Variants in DOCK7 observed in about 807,000 individuals in gnomAD.
DOCK7 encodes the protein dedicator of cytokinesis protein 7.
In DOCK7, 138 loss-of-function variants were observed where a neutral mutation model predicts 271.0. The observed-to-expected ratio is 0.51, with a 90% CI of 0.44 to 0.59. DOCK7 has a LOEUF of 0.59. DOCK7 is among the 20% of genes least tolerant of loss of function. DOCK7 has a pLI of 0.00. For synonymous variants in DOCK7, 823 were observed against 876.1 expected (o/e 0.94, Z 1.07); for missense variants, 2,066 against 2,592.4 (o/e 0.80, Z 4.41).
intron 7 of DOCK7, among the ~76,000 whole-genome samples, chr1:62,646,253 C>T (rs183755631): frequency 1.1e-4 from 16 of 151,716 alleles, no homozygotes; most frequent in Non-Finnish European, 2.1e-4. Context: ...ACACAAATGG[C>T]CACATATAAT....
rs1557655806 is a variant in DOCK7, at chr1:62,517,289, AAAAC to A, written c.3937-3395_3937-3392del. ...ACCATGCCAATTAAAAAACAAAAAC[AAAAC>A]AAACAAACAAAAAAACAAACAGGCC... On this transcript the variant is annotated intron_variant, in intron 31 of 49. Transcript: ENST00000635253. 7.2e-5 allele frequency among the ~76,000 whole-genome samples: 11 copies of A among 152,288 alleles called. No homozygotes were observed. The South Asian group carries it at 2.3e-3, about 32-fold the overall frequency.
At chr1:62,469,885 G>C (rs1486227332) in intron 48 of DOCK7, among the ~76,000 whole-genome samples, 1 of 139,920 alleles carries the variant, frequency 7.1e-6, no homozygotes, top group Non-Finnish European at 1.5e-5. Flanking sequence ...ATTCCTGCAA[G>C]AATGGCCATA....
chr1:62,566,504 C>T (rs1302630602), intron 18 of DOCK7, among the ~76,000 whole-genome samples: 1 of 152,158 alleles, frequency 6.6e-6, no homozygotes, highest in African/African-American at 2.4e-5. Context: ...ATGCAGAACA[C>T]TGAAACTGGA....
At chr1:62,639,335 C>G (rs771894065) in intron 7 of DOCK7, among the ~76,000 whole-genome samples, 39 of 151,258 alleles carry the variant, frequency 2.6e-4, no homozygotes, top group Non-Finnish European at 1.9e-4. Context: ...CAAGACCAGC[C>G]TAGGAAACAC....
At chr1:62,490,163 T>C (rs1270437171) in intron 41 of DOCK7, among the ~76,000 whole-genome samples, 1 of 151,398 alleles carries the variant, frequency 6.6e-6, no homozygotes, top group African/African-American at 2.4e-5. Flanking sequence ...CTTGAACTCC[T>C]GGTCTCAAGC....
chr1:62,669,020 A>C (rs1363172676), intron 1 of DOCK7, among the ~76,000 whole-genome samples: 2 of 152,092 alleles, frequency 1.3e-5, no homozygotes, highest in Non-Finnish European at 2.9e-5. Context: ...AATAAACTTC[A>C]AGAGGTATGT....
chr1:62,583,079 T>G (rs1402578525), intron 16 of DOCK7, 105 bp downstream of exon 16: 2 of 864,216 alleles, frequency 2.3e-6, no homozygotes, highest in Non-Finnish European at 3.6e-6. Context: ...AGCCTTGAAT[T>G]TGGCACATTT....
chr1:62,508,881 T>C (rs1644394105), intron 34 of DOCK7, among the ~76,000 whole-genome samples: 2 of 152,206 alleles, frequency 1.3e-5, no homozygotes, highest in Admixed American at 1.3e-4. Flanking sequence ...TTGAGATTTT[T>C]GTTTTAGCAA....
chr1:62,635,176 T>C (rs1655106753), intron 8 of DOCK7: 1 of 257,056 alleles, frequency 3.9e-6, no homozygotes, highest in African/African-American at 2.2e-5. Flanking sequence ...GATATTATAC[T>C]CTCATGTAAA....
chr1:62,687,353 A>C (rs1359189604), intron 1 of DOCK7, among the ~76,000 whole-genome samples: 1 of 152,236 alleles, frequency 6.6e-6, no homozygotes, highest in Non-Finnish European at 1.5e-5. Flanking sequence ...AAGTAGGTGA[A>C]AGGCTTTGAA....
At chr1:62,528,357 T>A (rs1208281832) in intron 30 of DOCK7, 52 bp from the exon 31 acceptor site, 3 of 1,505,236 alleles carry the variant, frequency 2.0e-6, no homozygotes, top group Non-Finnish European at 2.7e-6. Context: ...CTGAACTAAT[T>A]CCCTTTCCTA....
At chr1:62,658,908 G>A (rs1658336734) in intron 2 of DOCK7, among the ~76,000 whole-genome samples, 1 of 151,050 alleles carries the variant, frequency 6.6e-6, no homozygotes, top group African/African-American at 2.4e-5. Context: ...AGCTGAGATT[G>A]CACCACTACA....
chr1:62,505,843 A>G (rs1646920975), intron 35 of DOCK7, 27 bp from the exon 36 acceptor site: 1 of 1,603,700 alleles, frequency 6.2e-7, no homozygotes, highest in Admixed American at 1.7e-5. Flanking sequence ...AACAAATAAA[A>G]TAGAGATGTA....
chr1:62,513,698 G>A lies in DOCK7; in HGVS notation c.4119+18C>T, dbSNP rs368702983. On this transcript the variant is annotated intron_variant, in intron 32 of 49. Transcript: ENST00000635253. The stretch of plus-strand genomic sequence containing the variant: ...TTTCTCCTTTCTTGTTCTTTGCAAT[G>A]GTACAATGACCACTTACTTTATACT... The A allele has an allele frequency of 1.5e-4, 248 of 1,610,476 alleles. 1 individual carries two copies. The African/African-American group carries it at 2.9e-3, about 19-fold the overall frequency.
intron 16 of DOCK7, 116 bp from the exon 17 acceptor site, chr1:62,579,082 T>C: frequency 9.7e-7 from 1 of 1,030,978 alleles, no homozygotes; most frequent in Non-Finnish European, 1.3e-6. Context: ...TTTCCTCTAG[T>C]CCAAAATATT....
intron 33 of DOCK7, 65 bp downstream of exon 33, chr1:62,513,379 A>G (rs1644556130): frequency 6.9e-7 from 1 of 1,456,232 alleles, no homozygotes; most frequent in African/African-American, 1.4e-5. Context: ...CATAGGATTG[A>G]CATTGAAGAC....
chr1:62,566,041 G>T (rs1222607264), intron 18 of DOCK7, among the ~76,000 whole-genome samples: 1 of 152,120 alleles, frequency 6.6e-6, no homozygotes, highest in Non-Finnish European at 1.5e-5. Context: ...TACTGCTCAA[G>T]GAAATAAGAA....
chr1:62,610,510 AG>A (rs1651634040), intron 14 of DOCK7, among the ~76,000 whole-genome samples: 3 of 152,246 alleles, frequency 2.0e-5, no homozygotes, highest in African/African-American at 7.2e-5. Context: ...ATACATGCGC[AG>A]AACGTGCAGT....
rs1253376748 is a variant in DOCK7 at position 62,513,508 on chromosome 1, G to A, written c.4218C>T (p.Ala1406=). Residue 1406 remains alanine, a synonymous_variant, in exon 33 of 50, where the codon GCC becomes GCT. Coordinates refer to ENST00000635253, the MANE Select transcript of DOCK7 (RefSeq NM_001367561.1). The stretch of plus-strand genomic sequence containing the variant: ...GGCTTCGCCGTACCATTTCTTGCCT[G>A]GCACCTATGCTCCCAAGAATAGCTT... ...LEEAILGSIG[A]RQEMVRRSRG... is the part of the protein sequence containing the mutation. 1.2e-6 allele frequency: 2 copies of A among 1,613,980 alleles called. No homozygotes were observed. Among genetic ancestry groups the A allele is most frequent in the East Asian group, 4.5e-5 (2 of 44,886 alleles).
Sources: allele counts gnomAD v4.1 joint callset (sites outside exome capture counted in the v4.1 genomes callset), GRCh38; gene constraint gnomAD v4.1.1; transcripts MANE v1.5; gene names NCBI Gene and HGNC (gene_info 2026-07-23, HGNC 2026-07-21).